UBE2K: variants seen among roughly 807,000 people sequenced by gnomAD.
The protein encoded by UBE2K is ubiquitin-conjugating enzyme E2 K.
A neutral mutation model predicts 30.0 loss-of-function variants in UBE2K; 6 were observed. That is an observed-to-expected ratio of 0.20 (90% confidence interval 0.11 to 0.39). The LOEUF (loss-of-function observed/expected upper bound fraction) is 0.39. Among genes scored for constraint, UBE2K ranks in the 10% least tolerant of loss-of-function variants. UBE2K has a pLI of 1.00. For synonymous variants in UBE2K, 86 were observed against 83.7 expected (o/e 1.03, Z -0.15); for missense variants, 61 against 241.6 (o/e 0.25, Z 4.96).
chr4:39,771,281 C>A (rs1712807718), intron 4 of UBE2K: 9 of 1,611,410 alleles, frequency 5.6e-6, no homozygotes, highest in Admixed American at 5.0e-5. Flanking sequence ...GGTGAGCAGG[C>A]GGCTAAGATG....
intron 4 of UBE2K, chr4:39,770,399 C>T (rs1712707958): frequency 1.2e-6 from 2 of 1,613,046 alleles, no homozygotes; most frequent in Non-Finnish European, 1.7e-6. Flanking sequence ...TGAAGTGCTG[C>T]TGCCGCATGT....
intron 3 of UBE2K, 31 bp downstream of exon 3, chr4:39,745,841 T>TA: frequency 6.7e-7 from 1 of 1,490,820 alleles, no homozygotes; most frequent in Non-Finnish European, 9.1e-7. Flanking sequence ...TGCATGAAGT[T>TA]ACAAAATATT....
chr4:39,757,817 A>G (rs1257708479), intron 4 of UBE2K, among the ~76,000 whole-genome samples: 1 of 152,140 alleles, frequency 6.6e-6, no homozygotes, highest in Non-Finnish European at 1.5e-5. Flanking sequence ...TAGATTTTCT[A>G]TTCTCCCTTT....
chr4:39,772,973 C>A lies in UBE2K; in HGVS notation c.300-1861C>A, dbSNP rs751361994. ...AAGTGTTGGGATTACAGGTGTGAGC[C>A]ACCGCGCCCAGCCAGTGAGACAACT... On this transcript the variant is annotated intron_variant, in intron 4 of 6. Transcript: ENST00000261427. Among the ~76,000 whole-genome samples the A allele has an allele frequency of 4.7e-4, 63 of 135,192 alleles. 1 individual carries two copies. Among genetic ancestry groups the A allele is most frequent in the Admixed American group, 1.1e-3 (14 of 12,952 alleles). 88.7% of individuals were successfully genotyped at this position (135,192 alleles called of 152,430 possible).
At chr4:39,706,608 A>G (rs1029721407) in intron 1 of UBE2K, among the ~76,000 whole-genome samples, 1 of 150,766 alleles carries the variant, frequency 6.6e-6, no homozygotes, top group African/African-American at 2.4e-5. Flanking sequence ...AGTAGCTGGG[A>G]TTACAGGCGC....
intron 3 of UBE2K, among the ~76,000 whole-genome samples, chr4:39,754,581 G>A (rs553807341): frequency 6.6e-6 from 1 of 152,136 alleles, no homozygotes; most frequent in Non-Finnish European, 1.5e-5. Flanking sequence ...CACGATCACG[G>A]CTTGCTGCAG....
At chr4:39,762,101 C>T in intron 4 of UBE2K, among the ~76,000 whole-genome samples, 1 of 151,866 alleles carries the variant, frequency 6.6e-6, no homozygotes, top group East Asian at 1.9e-4. Flanking sequence ...TCGCTTAAAC[C>T]TGGAGGGGCA....
rs529717621 is a variant in UBE2K at position 39,723,793 on chromosome 4, G to T, written c.64-13627G>T. ...TTTCTCTGTGTTAATAATGGGTACT[G>T]TACAATTAATTTCCTTTTTTAAAAA... On this transcript the variant is annotated intron_variant, in intron 1 of 6. Transcript: ENST00000261427. Among the ~76,000 whole-genome samples the T allele has an allele frequency of 3.1e-4, 46 of 149,594 alleles. 1 individual carries two copies. In the South Asian group the frequency reaches 9.3e-3, roughly 30 times the overall value.
In UBE2K at chr4:39,714,537, TA is replaced by T. The variant is rs1187670209; in HGVS notation, c.63+16148del. 4.2e-4 allele frequency: 18 copies of T among 43,252 alleles called. 1 individual carries two copies. The highest frequency in any genetic ancestry group is 2.7e-3 in the African/African-American group (14 of 5,198). 2.7% of individuals were successfully genotyped at this position (43,252 alleles called of 1,614,324 possible). On this transcript the variant is annotated intron_variant, in intron 1 of 6. Transcript: ENST00000261427. ...AGTTTCATATATATATATATATATA[TA>T]TATATATATATATTTTTTTTTTTTT...
intron 3 of UBE2K, among the ~76,000 whole-genome samples, chr4:39,755,109 C>T (rs527393004): frequency 6.6e-6 from 1 of 152,300 alleles, no homozygotes; most frequent in South Asian, 2.1e-4. Context: ...ATTTCTTAAA[C>T]TCTAAGCCTT....
chr4:39,714,947 G>T (rs1718963611), intron 1 of UBE2K, among the ~76,000 whole-genome samples: 2 of 151,542 alleles, frequency 1.3e-5, no homozygotes, highest in Non-Finnish European at 2.9e-5. Flanking sequence ...GAACTCCTGG[G>T]CTTAAGTGAT....
Position 39,698,167 on chromosome 4 carries a change from C to T in UBE2K, c.-161C>T, listed in dbSNP as rs1717792572. On this transcript the variant is annotated 5_prime_UTR_variant, in exon 1 of 7. Transcript: ENST00000261427. ...TTGGTGGCCGGGCGCGGAGGTGATT[C>T]CACACTGAGGCGAGCGCGGCGGCCG... 4.1e-6 allele frequency: 3 copies of T among 731,304 alleles called. No homozygotes were observed. Among genetic ancestry groups the T allele is most frequent in the African/African-American group, 3.5e-5 (2 of 57,610 alleles). 45.3% of individuals were successfully genotyped at this position (731,304 alleles called of 1,614,324 possible).
intron 1 of UBE2K, among the ~76,000 whole-genome samples, chr4:39,724,242 A>C (rs1044703523): frequency 6.6e-6 from 1 of 151,192 alleles, no homozygotes; most frequent in Non-Finnish European, 1.5e-5. Context: ...CAAGTAGCTG[A>C]GACTATAGGC....
chr4:39,705,044 T>G (rs1022313425), intron 1 of UBE2K, among the ~76,000 whole-genome samples: 5 of 148,072 alleles, frequency 3.4e-5, no homozygotes, highest in African/African-American at 7.5e-5. Context: ...CTAATGTTTT[T>G]TTTTGTTTTT....
intron 2 of UBE2K, among the ~76,000 whole-genome samples, chr4:39,739,973 G>GT (rs1259834991): frequency 6.6e-6 from 1 of 152,068 alleles, no homozygotes; most frequent in East Asian, 1.9e-4. Context: ...TTTTTATGCT[G>GT]TTTATCGAGT....
chr4:39,723,429 C>G lies in UBE2K; in HGVS notation c.64-13991C>G, dbSNP rs1430686738. Among the ~76,000 whole-genome samples the G allele has an allele frequency of 2.1e-5, 3 of 142,586 alleles. No homozygotes were observed. The Admixed American group carries it at 2.2e-4, about 11-fold the overall frequency. The allele number at this position is 142,586 out of a possible 152,430, so 93.5% of individuals were successfully genotyped here. On this transcript the variant is annotated intron_variant, in intron 1 of 6. Transcript: ENST00000261427. ...TGTTGCCCGGGCTGGAGTGCAGTGG[C>G]ACGATCTCTGCTCACTGCAAGCTCT...
In UBE2K at chr4:39,698,188, G is replaced by A; in HGVS notation, c.-140G>A. On this transcript the variant is annotated 5_prime_UTR_variant, in exon 1 of 7. Coordinates refer to ENST00000261427, the MANE Select transcript of UBE2K (RefSeq NM_005339.5). ...GATTCCACACTGAGGCGAGCGCGGC[G>A]GCCGGGGTGGTAGTGGCAGTGTTCG... 9.6e-6 allele frequency: 8 copies of A among 831,826 alleles called. No individual in the cohort carries two copies. The Admixed American group carries it at 1.0e-4, about 11-fold the overall frequency. 51.5% of individuals were successfully genotyped at this position (831,826 alleles called of 1,614,324 possible).
At chr4:39,714,550 A>ATATATATATATATATATATATTTTTTTT in intron 1 of UBE2K, 1 of 17,854 alleles carries the variant, frequency 5.6e-5, no homozygotes, top group Non-Finnish European at 8.7e-5. Context: ...ATATATATAT[A>ATATATATATATATATATATATTTTTTTT]TTTTTTTTTT....
At position 39,764,724 on chromosome 4, in the gene UBE2K, G is replaced by A. The variant is rs536839677; in HGVS notation, c.299+8985G>A. Among the ~76,000 whole-genome samples, 80 of 152,072 alleles carry A rather than the reference G, an allele frequency of 5.3e-4. No homozygotes were observed. The South Asian group carries it at 1.0e-2, about 19-fold the overall frequency. On this transcript the variant is annotated intron_variant, in intron 4 of 6. Transcript: ENST00000261427. ...ATTATAGGCATGAGCCACTGCCCCC[G>A]GCTGATTTCTTTTTCTTTAACCTCC...
Sources: allele counts gnomAD v4.1 joint callset (sites outside exome capture counted in the v4.1 genomes callset), GRCh38; gene constraint gnomAD v4.1.1; transcripts MANE v1.5; gene names NCBI Gene and HGNC (gene_info 2026-07-23, HGNC 2026-07-21).